Variants in RETREG1 observed in about 807,000 individuals in gnomAD.
RETREG1 encodes the protein reticulophagy regulator 1.
A neutral mutation model predicts 54.8 loss-of-function variants in RETREG1; 44 were observed. The observed-to-expected ratio is 0.80, with a 90% CI of 0.63 to 1.03. The LOEUF (loss-of-function observed/expected upper bound fraction) is 1.03. RETREG1 is among the 50% of genes least tolerant of loss of function. The pLI, the probability that RETREG1 is intolerant of heterozygous loss-of-function variation, is 0.00. For synonymous variants in RETREG1, 217 were observed against 238.5 expected, an observed-to-expected ratio of 0.91 and a Z score of 0.83; for missense variants, 554 against 605.1, an observed-to-expected ratio of 0.92 and a Z score of 0.89.
intron 3 of RETREG1, among the ~76,000 whole-genome samples, chr5:16,506,307 A>G (rs1278663014): frequency 6.6e-6 from 1 of 152,220 alleles, no homozygotes; most frequent in Non-Finnish European, 1.5e-5. Flanking sequence ...GTGAGACTCA[A>G]CTAGAACCTG....
intron 1 of RETREG1, among the ~76,000 whole-genome samples, chr5:16,609,190 C>T (rs976943874): frequency 1.3e-5 from 2 of 152,154 alleles, no homozygotes; most frequent in Admixed American, 6.5e-5. Context: ...TTGAACAGTA[C>T]CGGTCAACGT....
intron 3 of RETREG1, among the ~76,000 whole-genome samples, chr5:16,503,260 A>G (rs888458995): frequency 6.6e-6 from 1 of 152,222 alleles, no homozygotes; most frequent in African/African-American, 2.4e-5. Flanking sequence ...ACATGTTCTT[A>G]ATCAATTTTA....
At chr5:16,599,940 G>A (rs1451644028) in intron 1 of RETREG1, among the ~76,000 whole-genome samples, 1 of 152,210 alleles carries the variant, frequency 6.6e-6, no homozygotes, top group Non-Finnish European at 1.5e-5. Flanking sequence ...GCAAGGGTAA[G>A]GCCCCCAAAA....
chr5:16,476,981 T>C (rs1738563908), intron 8 of RETREG1, among the ~76,000 whole-genome samples: 1 of 152,168 alleles, frequency 6.6e-6, no homozygotes, highest in Non-Finnish European at 1.5e-5. Flanking sequence ...GGAGTCAGCT[T>C]TGGACTCAGG....
At chr5:16,577,327 G>T (rs1234586969) in intron 1 of RETREG1, among the ~76,000 whole-genome samples, 1 of 149,776 alleles carries the variant, frequency 6.7e-6, no homozygotes, top group Non-Finnish European at 1.5e-5. Flanking sequence ...AAAGATAGGT[G>T]GTAGTGCCTG....
At chr5:16,607,077 C>A (rs1018473147) in intron 1 of RETREG1, among the ~76,000 whole-genome samples, 5 of 152,176 alleles carry the variant, frequency 3.3e-5, no homozygotes, top group African/African-American at 1.2e-4. Context: ...CAGGTGTCTA[C>A]TCAAGGTCCT....
chr5:16,608,121 A>C (rs949014136), intron 1 of RETREG1, among the ~76,000 whole-genome samples: 1 of 152,040 alleles, frequency 6.6e-6, no homozygotes. Context: ...CTCAGGTGAT[A>C]TGCCCACCTC....
chr5:16,565,874 A>G (rs1741993020), intron 2 of RETREG1, 81 bp from the exon 3 acceptor site: 3 of 1,432,446 alleles, frequency 2.1e-6, no homozygotes, highest in Admixed American at 1.9e-5. Flanking sequence ...AACTAGTCCA[A>G]GCTATTTAAA....
chr5:16,515,065 G>A (rs183876629), intron 3 of RETREG1, among the ~76,000 whole-genome samples: 3 of 151,598 alleles, frequency 2.0e-5, no homozygotes, highest in African/African-American at 7.3e-5. Flanking sequence ...CTATAAACAT[G>A]CATATGCAAT....
intron 3 of RETREG1, among the ~76,000 whole-genome samples, chr5:16,500,451 A>G (rs763432508): frequency 7.9e-5 from 12 of 152,136 alleles, no homozygotes; most frequent in Non-Finnish European, 1.8e-4. Context: ...GAAGAAGAAG[A>G]ATAATGTCAT....
intron 3 of RETREG1, among the ~76,000 whole-genome samples, chr5:16,505,890 C>T (rs1480667252): frequency 1.3e-5 from 2 of 152,214 alleles, no homozygotes; most frequent in Non-Finnish European, 2.9e-5. Context: ...CTGCCTTCCT[C>T]GCCTGCTTCA....
chr5:16,482,119 G>T (rs1020033456), intron 4 of RETREG1, among the ~76,000 whole-genome samples: 3 of 151,962 alleles, frequency 2.0e-5, no homozygotes, highest in African/African-American at 7.2e-5. Flanking sequence ...TAGATTAGAT[G>T]ACTTGTGGAA....
At chr5:16,510,909 T>G (rs895451154) in intron 3 of RETREG1, among the ~76,000 whole-genome samples, 2 of 152,088 alleles carry the variant, frequency 1.3e-5, no homozygotes, top group Non-Finnish European at 2.9e-5. Flanking sequence ...ACCCATGAAT[T>G]TTACCTTTTC....
intron 3 of RETREG1, among the ~76,000 whole-genome samples, chr5:16,525,278 GCGGGGGGACAC>G (rs1740675300): frequency 1.2e-5 from 1 of 85,470 alleles, no homozygotes; most frequent in South Asian, 5.5e-4. Flanking sequence ...GTGGATGTGC[GCGGGGGGACAC>G]TGTGCTGATT....
chr5:16,486,262 T>C (rs1461955505), intron 3 of RETREG1, among the ~76,000 whole-genome samples: 1 of 152,110 alleles, frequency 6.6e-6, no homozygotes, highest in Non-Finnish European at 1.5e-5. Flanking sequence ...AATCGAAATA[T>C]ATATGATTTA....
chr5:16,591,383 T>A lies in RETREG1; in HGVS notation c.321-19281A>T, dbSNP rs183172026. The stretch of plus-strand genomic sequence containing the variant: ...AATGCCACAGGTAACCACCCCATGC[T>A]GACTCTGAGAGCCCGAGAGCCAGAA... On this transcript the variant is annotated intron_variant, in intron 1 of 8. Transcript: ENST00000306320. Among the ~76,000 whole-genome samples the A allele has an allele frequency of 2.0e-5, 3 of 152,358 alleles. No homozygotes were observed. The East Asian group carries it at 5.8e-4, about 29-fold the overall frequency.
intron 1 of RETREG1, among the ~76,000 whole-genome samples, chr5:16,582,692 C>T (rs565333709): frequency 1.3e-5 from 2 of 151,682 alleles, no homozygotes; most frequent in Non-Finnish European, 2.9e-5. Context: ...GGGTAATCCC[C>T]GGCTTATTTC....
At chr5:16,499,776 C>A (rs1403808389) in intron 3 of RETREG1, among the ~76,000 whole-genome samples, 2 of 152,232 alleles carry the variant, frequency 1.3e-5, no homozygotes, top group Non-Finnish European at 1.5e-5. Context: ...GGGGACATAG[C>A]AACCCTTCAT....
intron 3 of RETREG1, among the ~76,000 whole-genome samples, chr5:16,533,735 G>A (rs188490128): frequency 1.3e-5 from 2 of 152,238 alleles, no homozygotes; most frequent in Non-Finnish European, 2.9e-5. Context: ...ATTGCCTCCA[G>A]AACACAAATG....
Sources: allele counts gnomAD v4.1 joint callset (sites outside exome capture counted in the v4.1 genomes callset), GRCh38; gene constraint gnomAD v4.1.1; transcripts MANE v1.5; gene names NCBI Gene and HGNC (gene_info 2026-07-23, HGNC 2026-07-21).